GLRA3: variants seen among roughly 807,000 people sequenced by gnomAD.
GLRA3 encodes the protein glycine receptor subunit alpha-3.
GLRA3 carries 44 observed loss-of-function variants against 60.4 expected under a neutral mutation model. The observed-to-expected ratio is 0.73, with a 90% CI of 0.57 to 0.94. The LOEUF is 0.94. Among genes scored for constraint, GLRA3 ranks in the 40% least tolerant of loss-of-function variants. The pLI is 0.00. For missense variants in GLRA3, 508 were observed against 564.6 expected (o/e 0.90, Z 1.02); for synonymous variants, 223 against 192.9 (o/e 1.16, Z -1.29).
intron 3 of GLRA3, among the ~76,000 whole-genome samples, chr4:174,742,670 A>G (rs7654132): frequency 0.2 from 30,136 of 152,122 alleles, 4,399 homozygotes; most frequent in African/African-American, 0.41. Flanking sequence ...CCATTAGAAA[A>G]TTACAAAGCC....
chr4:174,696,487 T>A (rs1735058740), intron 5 of GLRA3, among the ~76,000 whole-genome samples: 1 of 148,742 alleles, frequency 6.7e-6, no homozygotes, highest in South Asian at 2.1e-4. Flanking sequence ...TTTAATATAA[T>A]ATAATAATAT....
intron 3 of GLRA3, among the ~76,000 whole-genome samples, chr4:174,758,091 T>A (rs552097469): frequency 6.6e-6 from 1 of 152,176 alleles, no homozygotes; most frequent in East Asian, 1.9e-4. Context: ...CTGCCATGAG[T>A]GGAAGTAGAT....
At chr4:174,777,416 C>T (rs1430779472) in intron 2 of GLRA3, among the ~76,000 whole-genome samples, 4 of 152,136 alleles carry the variant, frequency 2.6e-5, no homozygotes, top group African/African-American at 9.7e-5. Context: ...AAGCATATTG[C>T]TACCTGAAAG....
At chr4:174,759,634 C>T (rs1413095007) in intron 3 of GLRA3, among the ~76,000 whole-genome samples, 1 of 152,062 alleles carries the variant, frequency 6.6e-6, no homozygotes, top group Non-Finnish European at 1.5e-5. Flanking sequence ...AATTTTTAAA[C>T]TGTGTGTTTG....
At chr4:174,681,469 A>C (rs1734339068) in intron 6 of GLRA3, among the ~76,000 whole-genome samples, 1 of 152,174 alleles carries the variant, frequency 6.6e-6, no homozygotes, top group Non-Finnish European at 1.5e-5. Context: ...TTATGTCCTT[A>C]TAGAAAGAGG....
At chr4:174,666,021 C>A (rs1733652618) in intron 7 of GLRA3, among the ~76,000 whole-genome samples, 1 of 152,124 alleles carries the variant, frequency 6.6e-6, no homozygotes, top group African/African-American at 2.4e-5. Flanking sequence ...GGCCACATGG[C>A]TACCAAGTTG....
rs985865640 is a variant in GLRA3 at position 174,658,994 on chromosome 4, A to G, written c.1071+60T>C. ...TCTCTTTTCATCTCTATTAAATACA[A>G]CAAATTCACTTTCGAGTGAAAACTG... On this transcript the variant is annotated intron_variant, in intron 8 of 9. Transcript: ENST00000274093. 9 of 1,432,980 alleles carry G rather than the reference A, an allele frequency of 6.3e-6. No homozygotes were observed. In the African/African-American group the frequency reaches 1.3e-4, roughly 20 times the overall value. 88.8% of individuals were successfully genotyped at this position (1,432,980 alleles called of 1,614,324 possible).
At chr4:174,648,339 C>T (rs1732906413) in intron 9 of GLRA3, among the ~76,000 whole-genome samples, 1 of 152,116 alleles carries the variant, frequency 6.6e-6, no homozygotes, top group African/African-American at 2.4e-5. Context: ...TGGTACATGC[C>T]TATAATCCCA....
At chr4:174,823,296 G>A (rs1444136365) in intron 1 of GLRA3, among the ~76,000 whole-genome samples, 4 of 152,278 alleles carry the variant, frequency 2.6e-5, no homozygotes, top group South Asian at 2.1e-4. Context: ...AATTTGAGGC[G>A]GGTGGACCGC....
At chr4:174,737,335 T>C (rs1321704001) in intron 3 of GLRA3, among the ~76,000 whole-genome samples, 1 of 152,200 alleles carries the variant, frequency 6.6e-6, no homozygotes, top group Admixed American at 6.5e-5. Context: ...TATTAACACG[T>C]AGTAGCTTGG....
At chr4:174,736,441 A>G (rs923371422) in intron 3 of GLRA3, among the ~76,000 whole-genome samples, 1 of 152,092 alleles carries the variant, frequency 6.6e-6, no homozygotes, top group Non-Finnish European at 1.5e-5. Flanking sequence ...TTTTCACCCC[A>G]CAAGGAAATC....
At chr4:174,789,358 C>G (rs1739238961) in intron 1 of GLRA3, among the ~76,000 whole-genome samples, 1 of 152,068 alleles carries the variant, frequency 6.6e-6, no homozygotes, top group African/African-American at 2.4e-5. Context: ...CATCTCTTTT[C>G]AGGTTTTGTG....
intron 2 of GLRA3, among the ~76,000 whole-genome samples, chr4:174,773,467 AAAAC>A (rs149233580): frequency 0.37 from 56,751 of 151,604 alleles, 10,867 homozygotes; most frequent in East Asian, 0.46. Flanking sequence ...AGCAAGTAAG[AAAAC>A]AAACAAACAA....
At chr4:174,814,236 G>A (rs1740390207) in intron 1 of GLRA3, among the ~76,000 whole-genome samples, 1 of 152,276 alleles carries the variant, frequency 6.6e-6, no homozygotes, top group South Asian at 2.1e-4. Flanking sequence ...GAAGAATCAG[G>A]TTGCATGAAT....
intron 7 of GLRA3, among the ~76,000 whole-genome samples, chr4:174,672,911 C>T (rs533600673): frequency 2.5e-4 from 38 of 151,840 alleles, no homozygotes; most frequent in African/African-American, 6.8e-4. Flanking sequence ...TGAATGTGTG[C>T]GTTGTGTATA....
Position 174,647,319 on chromosome 4 carries a change from G to C in GLRA3, c.1117-3255C>G, listed in dbSNP as rs540783564. ...GCTACTCTGGAGGCTGAGGTGGGAG[G>C]ATTGCTTGAACCGGGAAGCAGAGGC... On this transcript the variant is annotated intron_variant, in intron 9 of 9. Coordinates refer to ENST00000274093, the MANE Select transcript of GLRA3 (RefSeq NM_006529.4). 2.6e-5 allele frequency among the ~76,000 whole-genome samples: 4 copies of C among 151,248 alleles called. No homozygotes were observed. The South Asian group carries it at 6.4e-4, about 24-fold the overall frequency.
chr4:174,733,755 TG>T (rs1212164632), intron 3 of GLRA3, among the ~76,000 whole-genome samples: 1 of 152,304 alleles, frequency 6.6e-6, no homozygotes, highest in East Asian at 1.9e-4. Flanking sequence ...CTGACCACCA[TG>T]ATGTCTTTCC....
intron 9 of GLRA3, among the ~76,000 whole-genome samples, chr4:174,653,144 T>C (rs551207687): frequency 7.9e-5 from 12 of 152,164 alleles, no homozygotes; most frequent in African/African-American, 2.9e-4. Flanking sequence ...CAAAGGAAAA[T>C]TAAATTGTTA....
intron 4 of GLRA3, among the ~76,000 whole-genome samples, chr4:174,722,072 G>T (rs1220502777): frequency 6.6e-6 from 1 of 151,906 alleles, no homozygotes; most frequent in Non-Finnish European, 1.5e-5. Context: ...ATCTATATCT[G>T]TATCTATATG....
Sources: allele counts gnomAD v4.1 joint callset (sites outside exome capture counted in the v4.1 genomes callset), GRCh38; gene constraint gnomAD v4.1.1; transcripts MANE v1.5; gene names NCBI Gene and HGNC (gene_info 2026-07-23, HGNC 2026-07-21).